Variants in KHDRBS2 observed in about 807,000 individuals in gnomAD.
KHDRBS2 encodes the protein KH domain-containing, RNA-binding, signal transduction-associated protein 2.
In KHDRBS2, 26 loss-of-function variants were observed where a neutral mutation model predicts 44.3. That is an observed-to-expected ratio of 0.59 (90% CI 0.43 to 0.81). The LOEUF is 0.81. Among genes scored for constraint, KHDRBS2 ranks in the 40% least tolerant of loss-of-function variants. The pLI is 0.00. For synonymous variants in KHDRBS2, 194 were observed against 151.1 expected, an observed-to-expected ratio of 1.28 and a Z score of -2.08; for missense variants, 476 against 433.1, an observed-to-expected ratio of 1.10 and a Z score of -0.88.
At chr6:61,673,364 A>G in the KHDRBS2 span, among the ~76,000 whole-genome samples, 1 of 151,902 alleles carries the variant, frequency 6.6e-6, no homozygotes, top group African/African-American at 2.4e-5. Flanking sequence ...AAACTGGCAC[A>G]AGACAGGGAT....
chr6:62,038,163 C>T (rs1316914755), intron 3 of KHDRBS2, among the ~76,000 whole-genome samples: 2 of 151,916 alleles, frequency 1.3e-5, no homozygotes, highest in Admixed American at 6.6e-5. Flanking sequence ...GTGGTCCAAT[C>T]GTTGTGTTTA....
chr6:62,170,522 G>T (rs948679560), intron 2 of KHDRBS2, among the ~76,000 whole-genome samples: 1 of 152,070 alleles, frequency 6.6e-6, no homozygotes. Context: ...GAGCCTATCC[G>T]CTGGCTAACA....
rs1332353676 is a variant in KHDRBS2, at chr6:61,945,531, A to C, written c.483+32535T>G. ...GTATTTTTTACTGAATTTAATATTCAAACACATGTAGGAATATTTTAATAT... is the reference window on the plus strand; with the variant it reads ...GTATTTTTTACTGAATTTAATATTCCAACACATGTAGGAATATTTTAATAT... On this transcript the variant is annotated intron_variant, in intron 4 of 8. Transcript: ENST00000281156. Among the ~76,000 whole-genome samples, 3 of 152,130 alleles carry C rather than the reference A, an allele frequency of 2.0e-5. No individual in the cohort carries two copies. The East Asian group carries it at 5.8e-4, about 29-fold the overall frequency.
At chr6:62,273,923 C>T (rs963213957) in intron 1 of KHDRBS2, among the ~76,000 whole-genome samples, 2 of 151,976 alleles carry the variant, frequency 1.3e-5, no homozygotes, top group African/African-American at 4.8e-5. Flanking sequence ...CAACACTTTA[C>T]ATTTTACTTG....
intron 6 of KHDRBS2, among the ~76,000 whole-genome samples, chr6:61,809,058 T>C (rs749167371): frequency 6.6e-6 from 1 of 151,978 alleles, no homozygotes; most frequent in African/African-American, 2.4e-5. Context: ...TCCTTATCTA[T>C]GTTTTAGCCA....
the KHDRBS2 span, among the ~76,000 whole-genome samples, chr6:61,652,970 T>A: frequency 0.025 from 3,740 of 152,106 alleles, 72 homozygotes; most frequent in Middle Eastern, 0.082. Context: ...AACAGATGCA[T>A]GAGAAATGAC....
chr6:61,860,964 T>C (rs1796867388), intron 6 of KHDRBS2, among the ~76,000 whole-genome samples: 1 of 152,318 alleles, frequency 6.6e-6, no homozygotes, highest in South Asian at 2.1e-4. Context: ...ATTTCTCTAA[T>C]GATCAGTGAT....
intron 2 of KHDRBS2, among the ~76,000 whole-genome samples, chr6:62,123,393 TA>T (rs1195887655): frequency 2.0e-5 from 3 of 152,222 alleles, no homozygotes; most frequent in Non-Finnish European, 2.9e-5. Context: ...GCATGATTTA[TA>T]AACTTTTGGG....
At chr6:62,067,040 A>G (rs1793895070) in intron 2 of KHDRBS2, among the ~76,000 whole-genome samples, 1 of 151,582 alleles carries the variant, frequency 6.6e-6, no homozygotes, top group Non-Finnish European at 1.5e-5. Flanking sequence ...TTTTAACTTA[A>G]TATTTTAAGG....
the KHDRBS2 span, among the ~76,000 whole-genome samples, chr6:61,656,637 A>G: frequency 1.1e-3 from 170 of 152,112 alleles, no homozygotes; most frequent in African/African-American, 3.8e-3. Context: ...CCCAATTTCT[A>G]TGGTATAAGT....
intron 2 of KHDRBS2, among the ~76,000 whole-genome samples, chr6:62,121,476 T>C (rs1350160922): frequency 1.3e-5 from 2 of 152,214 alleles, no homozygotes; most frequent in Non-Finnish European, 2.9e-5. Context: ...GTGAAGCTAC[T>C]ATACCAGATG....
intron 2 of KHDRBS2, among the ~76,000 whole-genome samples, chr6:62,083,233 G>A (rs575350335): frequency 3.1e-4 from 47 of 152,132 alleles, no homozygotes; most frequent in Non-Finnish European, 5.7e-4. Context: ...ACATCGGTGA[G>A]AAGCAGCTTG....
At position 61,775,635 on chromosome 6, in the gene KHDRBS2, A is replaced by C. The variant is rs576550327; in HGVS notation, c.811-42871T>G. On this transcript the variant is annotated intron_variant, in intron 6 of 8. Transcript: ENST00000281156. ...AAACTACAAACCATTGCTCAATGAAATAAAAGAGGATACAAACAAATGGAA... is the reference window on the plus strand; with the variant it reads ...AAACTACAAACCATTGCTCAATGAACTAAAAGAGGATACAAACAAATGGAA... Among the ~76,000 whole-genome samples, 5 of 152,328 alleles carry C rather than the reference A, an allele frequency of 3.3e-5. No homozygotes were observed. In the South Asian group the frequency reaches 1.0e-3, roughly 32 times the overall value.
At chr6:61,625,608 C>T in the KHDRBS2 span, among the ~76,000 whole-genome samples, 9 of 152,120 alleles carry the variant, frequency 5.9e-5, no homozygotes, top group Middle Eastern at 6.8e-3. Context: ...AGCTGAGAGC[C>T]CATCTTTGCT....
the KHDRBS2 span, chr6:61,574,458 C>T: frequency 7.3e-7 from 1 of 1,374,014 alleles, no homozygotes. Context: ...AAACAACACC[C>T]AATAAGCCCA....
At chr6:61,599,249 G>A in the KHDRBS2 span, among the ~76,000 whole-genome samples, 3 of 152,008 alleles carry the variant, frequency 2.0e-5, no homozygotes, top group African/African-American at 7.3e-5. Flanking sequence ...TTTTGATATT[G>A]CCAAGGGAGT....
intron 2 of KHDRBS2, among the ~76,000 whole-genome samples, chr6:62,103,130 A>G (rs1382468322): frequency 1.3e-5 from 2 of 152,060 alleles, no homozygotes; most frequent in East Asian, 3.9e-4. Context: ...AAAGGCATCA[A>G]TGAAGTTCTC....
intron 4 of KHDRBS2, among the ~76,000 whole-genome samples, chr6:61,931,737 C>T (rs2127367487): frequency 6.6e-6 from 1 of 152,242 alleles, no homozygotes. Context: ...CTCAGGTCTA[C>T]TTATATGCAG....
the KHDRBS2 span, among the ~76,000 whole-genome samples, chr6:61,629,091 G>A: frequency 1.3e-5 from 2 of 152,098 alleles, no homozygotes; most frequent in East Asian, 3.9e-4. Flanking sequence ...TGTCCATATT[G>A]TCCTGCTGAT....
Sources: gnomAD v4.1 joint callset for allele counts (sites outside exome capture counted in the v4.1 genomes callset) on GRCh38, gnomAD v4.1.1 for gene constraint, MANE v1.5 for transcripts, NCBI Gene and HGNC (gene_info 2026-07-23, HGNC 2026-07-21) for gene names.